The following DIXDC1 variants were observed in gnomAD, a reference collection of about 807,000 sequenced individuals.
DIXDC1 encodes the protein DIX domain containing 1, also known as dixin.
Under a neutral mutation model 103.1 loss-of-function variants are expected in DIXDC1, and 64 were observed. The ratio of observed to expected loss-of-function variants is 0.62; its 90% CI spans 0.51 to 0.76. The LOEUF (loss-of-function observed/expected upper bound fraction) is 0.76. Ranked by LOEUF, DIXDC1 falls within the 30% of genes least tolerant of loss-of-function variation. The pLI is 0.00. For missense variants in DIXDC1, 759 were observed against 834.2 expected, an observed-to-expected ratio of 0.91 and a Z score of 1.11; for synonymous variants, 266 against 298.5, an observed-to-expected ratio of 0.89 and a Z score of 1.12.
intron 7 of DIXDC1, among the ~76,000 whole-genome samples, chr11:111,984,344 G>A (rs1860419147): frequency 6.6e-6 from 1 of 152,152 alleles, no homozygotes; most frequent in Admixed American, 6.5e-5. Flanking sequence ...TCACAGGTTT[G>A]AGACCAGCCT....
intron 1 of DIXDC1, among the ~76,000 whole-genome samples, chr11:111,938,430 C>G (rs1490057295): frequency 6.6e-6 from 1 of 152,144 alleles, no homozygotes; most frequent in African/African-American, 2.4e-5. Context: ...TTCTTCATTT[C>G]TCTCTCGCTC....
intron 12 of DIXDC1, 105 bp downstream of exon 12, chr11:111,993,109 A>ATT: frequency 7.8e-7 from 1 of 1,281,050 alleles, no homozygotes; most frequent in Non-Finnish European, 1.1e-6. Context: ...ATCCTTTTTG[A>ATT]TTTTTTTTTA....
At chr11:112,003,536 C>T (rs587773032) in intron 17 of DIXDC1, among the ~76,000 whole-genome samples, 140 of 152,178 alleles carry the variant, frequency 9.2e-4, no homozygotes, top group African/African-American at 3.2e-3. Context: ...CAGTGGCTCA[C>T]GTCTGAAATC....
intron 8 of DIXDC1, among the ~76,000 whole-genome samples, chr11:111,985,637 T>C (rs7926696): frequency 0.084 from 12,722 of 152,012 alleles, 1,591 homozygotes; most frequent in African/African-American, 0.27. Context: ...GTGCCTTTAA[T>C]GTTGGTGTTC....
In DIXDC1 at chr11:111,977,890, T is replaced by C. The variant is rs1555172860; in HGVS notation, c.657-2847T>C. 6.9e-7 allele frequency: 1 copy of C among 1,439,644 alleles called. No homozygotes were observed. The highest frequency in any genetic ancestry group is 1.5e-5 in the African/African-American group (1 of 67,036). 89.2% of individuals were successfully genotyped at this position (1,439,644 alleles called of 1,614,324 possible). A position where few individuals can be genotyped will look rare whatever the true frequency, so the allele number is the denominator to read the frequency against. On this transcript the variant is annotated intron_variant, in intron 5 of 19. Transcript: ENST00000440460. This position sits in a 1 kb window ranked among gnomAD's most constrained non-coding sequence, Gnocchi z 6.1. ...TGTTGGCCGGAGACAGGCGGGGTGGTGGGAGCATTATGTTGGGAGGACCGG... is the reference window on the plus strand; with the variant it reads ...TGTTGGCCGGAGACAGGCGGGGTGGCGGGAGCATTATGTTGGGAGGACCGG...
chr11:111,987,763 G>A (rs183107839), intron 9 of DIXDC1, among the ~76,000 whole-genome samples: 3 of 151,104 alleles, frequency 2.0e-5, no homozygotes, highest in East Asian at 2.0e-4. Context: ...GGGTTCAAGC[G>A]ATTCTCCTGC....
chr11:111,986,121 GGTTTTCCTGATTCCTCTCCT>G (rs1860480741), intron 8 of DIXDC1, among the ~76,000 whole-genome samples: 1 of 152,060 alleles, frequency 6.6e-6, no homozygotes, highest in African/African-American at 2.4e-5. Flanking sequence ...CCTTCTCACT[GGTTTTCCTGATTCCTCTCCT>G]GTCTTCCCCT....
rs1285401041 is a variant in DIXDC1 at position 111,937,508 on chromosome 11, C to G, written c.9C>G (p.Ala3=). ML[A]CLTRGNLLDV... Reference sequence around the variant, plus strand: ...AGCCCCCAGCAGGAACAATGCTAGCCTGCCTGACCCGAGGGAACTTACTGG... The same window carrying G: ...AGCCCCCAGCAGGAACAATGCTAGCGTGCCTGACCCGAGGGAACTTACTGG... The change falls in exon 1 of 20, where the codon GCC becomes GCG. Residue 3 remains alanine (A), a synonymous_variant. Coordinates refer to ENST00000440460, the MANE Select transcript of DIXDC1 (RefSeq NM_001037954.4). 1.3e-6 allele frequency: 2 copies of G among 1,591,880 alleles called. No homozygotes were observed. Among genetic ancestry groups the G allele is most frequent in the Non-Finnish European group, 1.7e-6 (2 of 1,169,664 alleles).
chr11:111,996,734 C>T (rs1860912780), intron 17 of DIXDC1, among the ~76,000 whole-genome samples: 1 of 152,128 alleles, frequency 6.6e-6, no homozygotes, highest in African/African-American at 2.4e-5. Context: ...CCTGTAATCC[C>T]AGCTACTCAT....
chr11:111,970,718 C>A (rs587646560), intron 3 of DIXDC1, among the ~76,000 whole-genome samples: 1 of 151,032 alleles, frequency 6.6e-6, no homozygotes, highest in East Asian at 1.9e-4. Flanking sequence ...TACCTGACTT[C>A]AAACTATACT....
chr11:111,955,598 G>T (rs1031675916), intron 1 of DIXDC1, among the ~76,000 whole-genome samples: 1 of 151,844 alleles, frequency 6.6e-6, no homozygotes, highest in East Asian at 1.9e-4. Flanking sequence ...ACTTTGGGAA[G>T]CCAAGGCGGG....
intron 5 of DIXDC1, 176 bp downstream of exon 5, chr11:111,975,159 A>G: frequency 7.1e-7 from 1 of 1,414,696 alleles, no homozygotes; most frequent in Non-Finnish European, 9.2e-7. Context: ...GGAGGGTAGG[A>G]AGGTAGGGTG....
chr11:111,936,871 T>TGG, upstream of DIXDC1, among the ~76,000 whole-genome samples: 2 of 151,222 alleles, frequency 1.3e-5, no homozygotes, highest in African/African-American at 4.9e-5. Context: ...TGTGTGTGTG[T>TGG]GTGTGTGTGT....
In DIXDC1 at chr11:111,954,695, C is replaced by T. The variant is rs587594331; in HGVS notation, c.61-9854C>T. The stretch of plus-strand genomic sequence containing the variant: ...TATTGTAGTTAATAAATTTATTTTT[C>T]ACCAGGTATGAGTTAGCAGTTCTGA... On this transcript the variant is annotated intron_variant, in intron 1 of 19. Coordinates refer to ENST00000440460, the MANE Select transcript of DIXDC1 (RefSeq NM_001037954.4). Among the ~76,000 whole-genome samples the T allele has an allele frequency of 3.3e-5, 5 of 152,142 alleles. No individual in the cohort carries two copies. In the South Asian group the frequency reaches 6.2e-4, roughly 19 times the overall value.
chr11:111,942,849 G>A (rs1966463498), intron 1 of DIXDC1, among the ~76,000 whole-genome samples: 1 of 152,106 alleles, frequency 6.6e-6, no homozygotes, highest in Admixed American at 6.5e-5. Context: ...ACCGTGGATG[G>A]TACTGAACCT....
chr11:111,968,421 A>C, intron 2 of DIXDC1, 92 bp from the exon 3 acceptor site: 1 of 1,331,948 alleles, frequency 7.5e-7, no homozygotes, highest in Non-Finnish European at 1.0e-6. Context: ...GTTGGTGTTC[A>C]CATCAAATCT....
At chr11:111,989,167 T>C in intron 10 of DIXDC1, 112 bp downstream of exon 10, 1 of 823,990 alleles carries the variant, frequency 1.2e-6, no homozygotes, top group Non-Finnish European at 1.8e-6. Context: ...CTCTGTGCTA[T>C]TGGTAAAGAA....
chr11:112,016,444 T>C (rs1861592302), intron 17 of DIXDC1, among the ~76,000 whole-genome samples: 1 of 152,178 alleles, frequency 6.6e-6, no homozygotes, highest in African/African-American at 2.4e-5. Context: ...ATACCTGTCA[T>C]ATCAGTTGCT....
chr11:111,999,691 C>G (rs113144366), intron 17 of DIXDC1, among the ~76,000 whole-genome samples: 2 of 151,882 alleles, frequency 1.3e-5, no homozygotes, highest in Admixed American at 6.6e-5. Context: ...ATGGTGAAAC[C>G]CTGTCTCTGC....
Sources: allele counts gnomAD v4.1 joint callset (sites outside exome capture counted in the v4.1 genomes callset), GRCh38; gene constraint gnomAD v4.1.1; non-coding constraint Gnocchi (gnomAD v3.1); transcripts MANE v1.5; gene names NCBI Gene and HGNC (gene_info 2026-07-23, HGNC 2026-07-21).